The following COL5A1 variants were observed in gnomAD, a reference collection of about 807,000 sequenced individuals.
The protein encoded by COL5A1 is collagen alpha-1(V) chain.
COL5A1 carries 16 observed loss-of-function variants against 263.7 expected under a neutral mutation model. The observed-to-expected ratio is 0.06, with a 90% CI of 0.04 to 0.09. The LOEUF is 0.09. Among genes scored for constraint, COL5A1 ranks in the 10% least tolerant of loss-of-function variants. The probability of loss-of-function intolerance (pLI) is 1.00; values close to 1 mark genes in which losing one functional copy is unlikely to be tolerated. For missense variants in COL5A1, 2,036 were observed against 2,540.5 expected (o/e 0.80, Z 4.27); for synonymous variants, 1,012 against 1,004.5 (o/e 1.01, Z -0.14).
At chr9:134,783,010 C>T (rs886498517) in intron 29 of COL5A1, among the ~76,000 whole-genome samples, 3 of 152,248 alleles carry the variant, frequency 2.0e-5, no homozygotes, top group Non-Finnish European at 4.4e-5. Flanking sequence ...GCTGGGTTCA[C>T]TTCTGACTGC....
At chr9:134,718,591 G>A (rs970767147) in intron 4 of COL5A1, among the ~76,000 whole-genome samples, 3 of 152,210 alleles carry the variant, frequency 2.0e-5, no homozygotes, top group Non-Finnish European at 4.4e-5. Flanking sequence ...TTGGGCAGGT[G>A]CCTGCCCCTG....
At chr9:134,811,254 C>T in intron 44 of COL5A1, 85 bp from the exon 45 acceptor site, 1 of 1,257,682 alleles carries the variant, frequency 8.0e-7, no homozygotes, top group Non-Finnish European at 1.2e-6. Context: ...TGCATCAGTC[C>T]CCGGGCTCAG....
intron 4 of COL5A1, among the ~76,000 whole-genome samples, chr9:134,702,486 G>A (rs781719247): frequency 2.0e-5 from 3 of 152,092 alleles, no homozygotes; most frequent in Non-Finnish European, 4.4e-5. Context: ...GTTTCTTCTC[G>A]GTGACTCGGG....
rs553117323 is a variant in COL5A1 at position 134,699,900 on chromosome 9, C to G, written c.278-9C>G. 2.3e-5 allele frequency: 37 copies of G among 1,613,794 alleles called. No homozygotes were observed. The South Asian group carries it at 3.8e-4, about 17-fold the overall frequency. ...CCGACTGCCTTCTCACCTCTGTGCT[C>G]TGTTCCAGCGTCTGCATTTCCCGAG... On this transcript the variant is annotated splice_polypyrimidine_tract_variant and intron_variant, in intron 2 of 65. Transcript: ENST00000371817.
intron 27 of COL5A1, among the ~76,000 whole-genome samples, chr9:134,776,956 A>C (rs1327945514): frequency 6.6e-6 from 1 of 152,110 alleles, no homozygotes; most frequent in East Asian, 1.9e-4. Context: ...CAGGGGCTCC[A>C]CCCTGTGACC....
chr9:134,707,313 G>A (rs1465163979), intron 4 of COL5A1, among the ~76,000 whole-genome samples: 2 of 152,216 alleles, frequency 1.3e-5, no homozygotes, highest in Admixed American at 6.5e-5. Context: ...GGGTGCTGGC[G>A]GGAAAGTGAT....
At position 134,730,035 on chromosome 9, in the gene COL5A1, G is replaced by C. The variant is rs115721407; in HGVS notation, c.925-201G>C. ...GTAACTGGGGGCTTGCAGCTGGGCT[G>C]CCTTCTTCCCACTTGCTCTGCCCCC... On this transcript the variant is annotated intron_variant, in intron 6 of 65. Coordinates refer to ENST00000371817, the MANE Select transcript of COL5A1 (RefSeq NM_000093.5). 9.2e-3 allele frequency among the ~76,000 whole-genome samples: 1,406 copies of C among 152,314 alleles called. 14 individuals are homozygous for C. Among genetic ancestry groups the C allele is most frequent in the Middle Eastern group, 0.02 (6 of 294 alleles).
chr9:134,802,056 C>A, intron 38 of COL5A1, 49 bp downstream of exon 38: 1 of 1,579,186 alleles, frequency 6.3e-7, no homozygotes, highest in Non-Finnish European at 8.7e-7. Context: ...TGTCACTTGC[C>A]CACAGGGAAG....
rs1323514620 is a variant in COL5A1 at position 134,765,272 on chromosome 9, G to A, written c.2035-409G>A. Among the ~76,000 whole-genome samples, 1 of 152,200 alleles carries A rather than the reference G, an allele frequency of 6.6e-6. No individual in the cohort carries two copies. Among genetic ancestry groups the A allele is most frequent in the Non-Finnish European group, 1.5e-5 (1 of 68,036 alleles). ...AAAAACAATCGTATGTCGCTGCGGA[G>A]GGGAATTCAGGAGCGAGCCGGTAAT... On this transcript the variant is annotated intron_variant, in intron 20 of 65. Transcript: ENST00000371817. This position sits in a 1 kb window ranked among gnomAD's most constrained non-coding sequence, Gnocchi z 5.1.
At position 134,755,649 on chromosome 9, in the gene COL5A1, T is replaced by G. The variant is rs934439583; in HGVS notation, c.1828-1116T>G. 6.6e-6 allele frequency among the ~76,000 whole-genome samples: 1 copy of G among 152,230 alleles called. No homozygotes were observed. The highest frequency in any genetic ancestry group is 2.1e-4 in the South Asian group (1 of 4,830). ...GTTGTGCTGTGAAATCCTGTGAAGT[T>G]TTCCGACAATCTTCCCTTGGTTTCT... On this transcript the variant is annotated intron_variant, in intron 16 of 65. Transcript: ENST00000371817. This position sits in a 1 kb window ranked among gnomAD's most constrained non-coding sequence, Gnocchi z 4.1.
intron 1 of COL5A1, among the ~76,000 whole-genome samples, chr9:134,655,049 G>A (rs577222381): frequency 5.3e-5 from 7 of 132,348 alleles, no homozygotes; most frequent in African/African-American, 2.0e-4. Context: ...GTGTAGGGCT[G>A]GTGTGTGTAG....
At chr9:134,759,786 C>A (rs1477518305) in intron 18 of COL5A1, among the ~76,000 whole-genome samples, 1 of 126,812 alleles carries the variant, frequency 7.9e-6, no homozygotes, top group African/African-American at 2.9e-5. Context: ...CTCATACACA[C>A]ATGCACACAC....
Position 134,817,008 on chromosome 9 carries a change from T to C in COL5A1, c.4123-18T>C, listed in dbSNP as rs1294374688. On this transcript the variant is annotated intron_variant, in intron 52 of 65. Coordinates refer to ENST00000371817, the MANE Select transcript of COL5A1 (RefSeq NM_000093.5). ...CGGGCCCCAATTCCTCACACTCTGT[T>C]CTTTCTCCCAATACCAGGGATCCCC... The C allele has an allele frequency of 1.9e-6, 3 of 1,613,378 alleles. No individual in the cohort carries two copies. In the East Asian group the frequency reaches 6.7e-5, roughly 36 times the overall value.
chr9:134,699,106 C>T (rs566156555), intron 2 of COL5A1, among the ~76,000 whole-genome samples: 115 of 152,306 alleles, frequency 7.6e-4, no homozygotes, highest in African/African-American at 2.4e-3. Flanking sequence ...GTGAGAGCAT[C>T]GCTGCCTTTG....
At chr9:134,667,433 G>T (rs1305251861) in intron 1 of COL5A1, among the ~76,000 whole-genome samples, 1 of 152,194 alleles carries the variant, frequency 6.6e-6, no homozygotes, top group East Asian at 1.9e-4. Context: ...GGCTCTGTTT[G>T]GTCACTGGTG....
At chr9:134,836,991 T>A (rs1253354258) in intron 65 of COL5A1, among the ~76,000 whole-genome samples, 2 of 152,202 alleles carry the variant, frequency 1.3e-5, no homozygotes, top group African/African-American at 4.8e-5. Flanking sequence ...GCCAGGGACC[T>A]TACCCGTCCT....
intron 42 of COL5A1, among the ~76,000 whole-genome samples, chr9:134,806,502 C>T (rs142956960): frequency 6.6e-6 from 1 of 152,088 alleles, no homozygotes; most frequent in Non-Finnish European, 1.5e-5. Context: ...AGTCCTGGTG[C>T]CGGCCACATT....
Position 134,814,047 on chromosome 9 carries a change from G to C in COL5A1, c.3906+11G>C. ...GAAGGCGGCCCCCCGGTGAGTGAGC[G>C]GGCGCTGCGGGAGGGGTGGGATATG... On this transcript the variant is annotated intron_variant, in intron 49 of 65. Transcript: ENST00000371817. 6.4e-7 allele frequency: 1 copy of C among 1,550,572 alleles called. No homozygotes were observed. The highest frequency in any genetic ancestry group is 8.7e-7 in the Non-Finnish European group (1 of 1,146,880).
intron 1 of COL5A1, among the ~76,000 whole-genome samples, chr9:134,690,411 C>T (rs1051698384): frequency 6.6e-6 from 1 of 152,198 alleles, no homozygotes; most frequent in African/African-American, 2.4e-5. Flanking sequence ...TGTGACCCAC[C>T]GGTTCTCCTG....
Sources: allele counts gnomAD v4.1 joint callset (sites outside exome capture counted in the v4.1 genomes callset), GRCh38; gene constraint gnomAD v4.1.1; non-coding constraint Gnocchi (gnomAD v3.1); transcripts MANE v1.5; gene names NCBI Gene and HGNC (gene_info 2026-07-23, HGNC 2026-07-21).